Variants in HELLS observed in about 807,000 individuals in gnomAD.
HELLS encodes the protein lymphoid-specific helicase.
Under a neutral mutation model 120.0 loss-of-function variants are expected in HELLS, and 32 were observed. That is an observed-to-expected ratio of 0.27 (90% CI 0.20 to 0.36). The LOEUF is 0.36. HELLS is among the 10% of genes least tolerant of loss of function. The pLI is 1.00. For synonymous variants in HELLS, 341 were observed against 323.4 expected (o/e 1.05, Z -0.58); for missense variants, 650 against 993.4 (o/e 0.65, Z 4.65).
intron 21 of HELLS, among the ~76,000 whole-genome samples, chr10:94,598,992 T>C (rs1254047343): frequency 6.6e-6 from 1 of 152,198 alleles, no homozygotes; most frequent in Non-Finnish European, 1.5e-5. Flanking sequence ...TTTATTTCTG[T>C]ATTCTCAATT....
intron 12 of HELLS, among the ~76,000 whole-genome samples, chr10:94,586,548 A>G (rs11188034): frequency 0.034 from 5,202 of 152,266 alleles, 262 homozygotes; most frequent in African/African-American, 0.11. Context: ...TAGTCTGTCT[A>G]TGATTAGCTC....
chr10:94,590,885 T>C (rs1845453668), intron 15 of HELLS, 109 bp downstream of exon 15: 3 of 605,954 alleles, frequency 5.0e-6, no homozygotes, highest in Non-Finnish European at 5.2e-6. Flanking sequence ...ATGGTGCTAT[T>C]TGTCATGAAG....
In HELLS at chr10:94,588,303, C is replaced by A. The variant is rs766355592; in HGVS notation, c.1401C>A (p.Val467=). The change falls in exon 13 of 22, where the codon GTC becomes GTA. Residue 467 remains valine, a synonymous_variant. Coordinates refer to ENST00000348459, the MANE Select transcript of HELLS (RefSeq NM_018063.5). ...ALEVPPKREV[V]VYAPLSKKQE... is the part of the protein sequence containing the mutation. ...AAGTTCCTCCTAAACGAGAAGTAGT[C>A]GTTTATGCTCCACTTTCAAAGAAGC... 6.2e-7 allele frequency: 1 copy of A among 1,610,672 alleles called. No individual in the cohort carries two copies.
chr10:94,558,950 T>C (rs928997218), intron 4 of HELLS, among the ~76,000 whole-genome samples: 1 of 151,996 alleles, frequency 6.6e-6, no homozygotes, highest in Non-Finnish European at 1.5e-5. Flanking sequence ...GGTACTTTTT[T>C]CCCCCATTTT....
At chr10:94,585,029 T>C in intron 12 of HELLS, among the ~76,000 whole-genome samples, 1 of 152,104 alleles carries the variant, frequency 6.6e-6, no homozygotes, top group Non-Finnish European at 1.5e-5. Context: ...TAGTATATTT[T>C]CTTAACTATT....
chr10:94,577,771 C>G (rs1409489233), intron 10 of HELLS: 3 of 152,272 alleles, frequency 2.0e-5, no homozygotes, highest in Non-Finnish European at 4.4e-5. Flanking sequence ...ACTAAAAATA[C>G]AAAAATTAGG....
chr10:94,567,442 GCA>G (rs1843870244), intron 6 of HELLS, among the ~76,000 whole-genome samples: 1 of 152,152 alleles, frequency 6.6e-6, no homozygotes, highest in African/African-American at 2.4e-5. Flanking sequence ...AGGATTACAG[GCA>G]TGTGCCACCA....
intron 2 of HELLS, among the ~76,000 whole-genome samples, chr10:94,550,670 C>G (rs1001378597): frequency 2.0e-5 from 3 of 151,958 alleles, no homozygotes; most frequent in Admixed American, 2.0e-4. Flanking sequence ...CGGGGCAGAT[C>G]GCTTGAGCCC....
At chr10:94,583,095 C>G in intron 12 of HELLS, 36 bp downstream of exon 12, 1 of 1,228,958 alleles carries the variant, frequency 8.1e-7, no homozygotes, top group Non-Finnish European at 1.2e-6. Context: ...TAACCATAGG[C>G]TCGATAGAGT....
intron 1 of HELLS, 76 bp downstream of exon 1, chr10:94,546,028 AGTTTCG>A (rs1359425628): frequency 6.6e-7 from 1 of 1,506,998 alleles, no homozygotes; most frequent in Non-Finnish European, 9.0e-7. Context: ...GCTGCGGCGG[AGTTTCG>A]GGGAGGGAGC....
chr10:94,612,253 A>T (rs968885262), exon 10 of HELLS: 1 of 152,196 alleles, frequency 6.6e-6, no homozygotes, highest in Admixed American at 6.5e-5. Context: ...GATAGTACCT[A>T]TTATAAGAAA....
chr10:94,564,385 C>G (rs1158103249), intron 6 of HELLS, among the ~76,000 whole-genome samples: 1 of 152,140 alleles, frequency 6.6e-6, no homozygotes, highest in Admixed American at 6.6e-5. Flanking sequence ...TGAGCCTGGC[C>G]TAGTCAGAAA....
chr10:94,559,763 A>G (rs1843458457), intron 4 of HELLS, among the ~76,000 whole-genome samples: 1 of 152,100 alleles, frequency 6.6e-6, no homozygotes, highest in Non-Finnish European at 1.5e-5. Context: ...TTCAATATTA[A>G]TCAACATATA....
downstream of HELLS, among the ~76,000 whole-genome samples, chr10:94,603,349 A>G (rs569681258): frequency 3.9e-5 from 6 of 152,314 alleles, no homozygotes; most frequent in South Asian, 1.2e-3. Context: ...TATTAGCAGC[A>G]TTTCATACAG....
intron 11 of HELLS, among the ~76,000 whole-genome samples, chr10:94,581,938 A>T (rs1844890089): frequency 6.6e-6 from 1 of 152,204 alleles, no homozygotes. Context: ...CACCAGAGCC[A>T]AAGTTAAAAC....
At chr10:94,557,531 G>A (rs1843330793) in intron 3 of HELLS, among the ~76,000 whole-genome samples, 1 of 152,128 alleles carries the variant, frequency 6.6e-6, no homozygotes, top group Non-Finnish European at 1.5e-5. Context: ...TTTATATTAA[G>A]AGGACTTTCT....
rs371669315 is a variant in HELLS, at chr10:94,562,924, T to C, written c.435+48T>C. On this transcript the variant is annotated intron_variant, in intron 6 of 21. Coordinates refer to ENST00000348459, the MANE Select transcript of HELLS (RefSeq NM_018063.5). Reference sequence around the variant, plus strand: ...ACCTAACATTTGATGTTGAGTAAAATGTAGGTTTTAAACCACCTTAAATCT... The same window carrying C: ...ACCTAACATTTGATGTTGAGTAAAACGTAGGTTTTAAACCACCTTAAATCT... 13 of 1,164,780 alleles carry C rather than the reference T, an allele frequency of 1.1e-5. 1 individual carries two copies. In the East Asian group the frequency reaches 1.4e-4, roughly 13 times the overall value. 72.2% of individuals were successfully genotyped at this position (1,164,780 alleles called of 1,614,324 possible).
intron 15 of HELLS, among the ~76,000 whole-genome samples, chr10:94,591,507 A>C (rs1462434374): frequency 6.6e-6 from 1 of 152,154 alleles, no homozygotes; most frequent in Non-Finnish European, 1.5e-5. Flanking sequence ...GGCAATATTG[A>C]CATTTTGGGC....
rs758948723 is a variant in HELLS at position 94,588,375 on chromosome 10, G to A, written c.1473G>A (p.Met491Ile). ...TTGTGAACCGTACAATTGCAAACAT[G>A]TTTGGATCCAGTGAGGTATAGTGGT... is the stretch of plus-strand genomic sequence containing the variant. ...TAIVNRTIANMFGSSEKETIE... is the reference protein window; with the variant it reads ...TAIVNRTIANIFGSSEKETIE... Residue 491 changes from methionine (M) to isoleucine (I), a missense_variant, in exon 13 of 22, where the codon ATG (methionine) becomes ATA (isoleucine). Physicochemically the swap from Met to Ile is conservative, Grantham distance 10. This residue lies in a region of HELLS where 191 missense variants were observed against 259.7 expected (regional missense o/e 0.74). Coordinates refer to ENST00000348459, the MANE Select transcript of HELLS (RefSeq NM_018063.5). The A allele has an allele frequency of 2.5e-6, 4 of 1,603,166 alleles. No homozygotes were observed. Among genetic ancestry groups the A allele is most frequent in the Admixed American group, 1.7e-5 (1 of 58,028 alleles).
Sources: gnomAD v4.1 joint callset for allele counts (sites outside exome capture counted in the v4.1 genomes callset) on GRCh38, gnomAD v4.1.1 for gene constraint, gnomAD v4.1.1 regional missense constraint, MANE v1.5 for transcripts, NCBI Gene and HGNC (gene_info 2026-07-23, HGNC 2026-07-21) for gene names.